The following FAM83F variants were observed in gnomAD, a reference collection of about 807,000 sequenced individuals.
FAM83F encodes protein FAM83F.
A neutral mutation model predicts 42.9 loss-of-function variants in FAM83F; 45 were observed. The observed-to-expected ratio is 1.05, with a 90% CI of 0.83 to 1.35. The LOEUF is 1.35. FAM83F is among the 40% of genes most tolerant of loss of function. The pLI, the probability that FAM83F is intolerant of heterozygous loss-of-function variation, is 0.00. For missense variants in FAM83F, 617 were observed against 695.9 expected (o/e 0.89, Z 1.28); for synonymous variants, 306 against 298.3 (o/e 1.03, Z -0.27).
chr22:40,043,086 C>G lies in FAM83F; in HGVS notation c.*13521C>G, dbSNP rs189669982. The G allele has an allele frequency of 1.3e-5, 2 of 152,104 alleles. No individual in the cohort carries two copies. Among genetic ancestry groups the G allele is most frequent in the African/African-American group, 2.4e-5 (1 of 41,416 alleles). The allele number at this position is 152,104 out of a possible 1,614,324, so 9.4% of individuals were successfully genotyped here. On this transcript the variant is annotated 3_prime_UTR_variant, in exon 5 of 5. Coordinates refer to ENST00000333407, the MANE Select transcript of FAM83F (RefSeq NM_138435.4). Reference sequence around the variant, plus strand: ...CTCTTAATTGACGTTTATGAAATACCTTGGCTTCATTTGCTGAAAGGCTCT... The same window carrying G: ...CTCTTAATTGACGTTTATGAAATACGTTGGCTTCATTTGCTGAAAGGCTCT...
At chr22:40,028,398 G>A (rs1049790059) in intron 4 of FAM83F, among the ~76,000 whole-genome samples, 1 of 152,242 alleles carries the variant, frequency 6.6e-6, no homozygotes, top group Non-Finnish European at 1.5e-5. Flanking sequence ...CAGCTGAAGT[G>A]ATACTGGAAG....
intron 1 of FAM83F, chr22:39,997,859 G>C (rs996171133): frequency 6.6e-6 from 1 of 152,178 alleles, no homozygotes; most frequent in Non-Finnish European, 1.5e-5. Context: ...CAGGACCTCC[G>C]GGTCCCCACC....
In FAM83F at chr22:40,036,494, T is replaced by A. The variant is rs2067624744; in HGVS notation, c.*6929T>A. On this transcript the variant is annotated 3_prime_UTR_variant, in exon 5 of 5. Coordinates refer to ENST00000333407, the MANE Select transcript of FAM83F (RefSeq NM_138435.4). ...TCCCACAACCTTTCTGGATTGATAG[T>A]TTGTGGTGAAATAAACAATTTTAGT... 1 of 152,210 alleles carries A rather than the reference T, an allele frequency of 6.6e-6. No homozygotes were observed. The highest frequency in any genetic ancestry group is 2.4e-5 in the African/African-American group (1 of 41,450). 9.4% of individuals were successfully genotyped at this position (152,210 alleles called of 1,614,324 possible). A position where few individuals can be genotyped will look rare whatever the true frequency, so the allele number is the denominator to read the frequency against.
At chr22:40,002,011 T>C (rs1445700559) in intron 1 of FAM83F, among the ~76,000 whole-genome samples, 1 of 152,140 alleles carries the variant, frequency 6.6e-6, no homozygotes, top group Admixed American at 6.5e-5. Context: ...TGGGCCGTGG[T>C]TGGTAAGGGC....
In FAM83F at chr22:40,019,204, G is replaced by A. The variant is rs192456321; in HGVS notation, c.526G>A (p.Asp176Asn). The stretch of plus-strand genomic sequence containing the variant: ...GGTCATGGACCTCTTCACTGATGGT[G>A]ATATCTTTCAAGACATTGTGGATGC... ...AVVMDLFTDG[D>N]IFQDIVDAAC... The change falls in exon 2 of 5, where the codon GAT (aspartate) becomes AAT (asparagine). Residue 176 changes from aspartate to asparagine, a missense_variant. By Grantham distance (23) the Asp-to-Asn change is conservative. Transcript: ENST00000333407. The A allele has an allele frequency of 3.0e-5, 49 of 1,614,062 alleles. No individual in the cohort carries two copies. Among genetic ancestry groups the A allele is most frequent in the Non-Finnish European group, 3.8e-5 (45 of 1,180,036 alleles).
chr22:40,010,291 G>A (rs896260785), intron 1 of FAM83F, among the ~76,000 whole-genome samples: 2 of 152,198 alleles, frequency 1.3e-5, no homozygotes, highest in African/African-American at 4.8e-5. Flanking sequence ...CACGTGCTCA[G>A]TGAAAGACCC....
At chr22:40,012,663 G>A (rs188872956) in intron 1 of FAM83F, among the ~76,000 whole-genome samples, 7 of 151,340 alleles carry the variant, frequency 4.6e-5, no homozygotes, top group East Asian at 2.0e-4. Context: ...CCAGCTACTC[G>A]GGAGGCTGAG....
At position 40,021,550 on chromosome 22, in the gene FAM83F, A is replaced by G; in HGVS notation, c.1040A>G (p.Gln347Arg). The G allele has an allele frequency of 6.4e-7, 1 of 1,564,308 alleles. No homozygotes were observed. Among genetic ancestry groups the G allele is most frequent in the Non-Finnish European group, 8.7e-7 (1 of 1,150,196 alleles). ...GAGATGATGCGCTGGGCTGCCCGGC[A>G]ACAGCGGGAGGCGGGCGGCAACCCG... ...PGEMMRWAAR[Q>R]QREAGGNPEG... The change falls in exon 4 of 5, where the codon CAA becomes CGA. Residue 347 changes from glutamine (Q) to arginine (R), a missense_variant. Transcript: ENST00000333407. The surrounding 1 kb of genome is among the most constrained non-coding windows in gnomAD (Gnocchi z 8.7).
intron 1 of FAM83F, among the ~76,000 whole-genome samples, chr22:40,013,082 C>CAAAAAA (rs754625979): frequency 0.018 from 825 of 46,368 alleles, 95 homozygotes; most frequent in Non-Finnish European, 0.023. Flanking sequence ...GACTCCGTTT[C>CAAAAAA]AAAAAAAAAA....
intron 4 of FAM83F, among the ~76,000 whole-genome samples, chr22:40,025,915 G>T (rs1160324397): frequency 6.6e-6 from 1 of 152,210 alleles, no homozygotes; most frequent in Non-Finnish European, 1.5e-5. Context: ...CAGCCTAGGG[G>T]AGGAGATCCC....
rs543072767 is a variant in FAM83F at position 40,012,311 on chromosome 22, T to G, written c.490-6857T>G. On this transcript the variant is annotated intron_variant, in intron 1 of 4. Transcript: ENST00000333407. ...CACCACGCCCAGCTGATTTTTGTAT[T>G]TTTAGTAGAGATGGGGCTTCACCAT... Among the ~76,000 whole-genome samples, 11 of 152,104 alleles carry G rather than the reference T, an allele frequency of 7.2e-5. No individual in the cohort carries two copies. In the South Asian group the frequency reaches 2.3e-3, roughly 32 times the overall value.
intron 1 of FAM83F, among the ~76,000 whole-genome samples, chr22:40,012,017 C>T (rs1357198138): frequency 2.0e-5 from 3 of 152,224 alleles, no homozygotes; most frequent in Non-Finnish European, 4.4e-5. Context: ...CCTCCACCTA[C>T]CAATATTTTG....
In FAM83F at chr22:40,043,026, C is replaced by T. The variant is rs950947242; in HGVS notation, c.*13461C>T. 2 of 152,156 alleles carry T rather than the reference C, an allele frequency of 1.3e-5. No individual in the cohort carries two copies. The highest frequency in any genetic ancestry group is 2.9e-5 in the Non-Finnish European group (2 of 68,014). 9.4% of individuals were successfully genotyped at this position (152,156 alleles called of 1,614,324 possible). On this transcript the variant is annotated 3_prime_UTR_variant, in exon 5 of 5. Transcript: ENST00000333407. ...TTTGACGCACGATCTTTCTTCTGTC[C>T]TTCTTGCAGTTGCCCTAGGAATACA...
At chr22:40,026,146 G>A (rs1385177862) in intron 4 of FAM83F, among the ~76,000 whole-genome samples, 1 of 152,186 alleles carries the variant, frequency 6.6e-6, no homozygotes, top group African/African-American at 2.4e-5. Context: ...AGGGCAGTGT[G>A]ATCTCCTGCC....
intron 1 of FAM83F, among the ~76,000 whole-genome samples, chr22:40,017,905 A>T (rs910878857): frequency 3.9e-5 from 6 of 152,132 alleles, no homozygotes; most frequent in African/African-American, 1.2e-4. Flanking sequence ...GAAGTGGGGG[A>T]TCCACAGTTA....
rs560823699 is a variant in FAM83F, at chr22:40,019,913, C to T, written c.684C>T (p.Gly228=). 59 of 1,612,936 alleles carry T rather than the reference C, an allele frequency of 3.7e-5. No individual in the cohort carries two copies. The Admixed American group carries it at 3.7e-4, about 10-fold the overall frequency. The part of the protein sequence containing the change: ...IRNIRVRSVT[G]VGFYMPMGRI... ...ACATCCGTGTCCGCTCTGTGACAGG[C>T]GTCGGCTTCTACATGCCCATGGGGA... The change falls in exon 3 of 5, where the codon GGC becomes GGT. Residue 228 remains glycine (G), a synonymous_variant. Transcript: ENST00000333407.
intron 1 of FAM83F, among the ~76,000 whole-genome samples, chr22:39,997,052 G>A (rs1053822003): frequency 1.1e-4 from 16 of 152,252 alleles, no homozygotes; most frequent in Non-Finnish European, 2.4e-4. Context: ...CACAACAACC[G>A]GGTGAATATG....
intron 1 of FAM83F, among the ~76,000 whole-genome samples, chr22:40,003,255 A>T (rs895094409): frequency 6.6e-6 from 1 of 152,128 alleles, no homozygotes; most frequent in Non-Finnish European, 1.5e-5. Context: ...AGAGACCTAG[A>T]TTGTCCTCTT....
At chr22:39,998,881 A>G (rs753240568) in intron 1 of FAM83F, 2 of 152,168 alleles carry the variant, frequency 1.3e-5, no homozygotes, top group South Asian at 4.1e-4. Flanking sequence ...TTGCTGATGC[A>G]TGGGCTGCTC....
Sources: gnomAD v4.1 joint callset for allele counts (sites outside exome capture counted in the v4.1 genomes callset) on GRCh38, gnomAD v4.1.1 for gene constraint, Gnocchi (gnomAD v3.1) non-coding constraint, MANE v1.5 for transcripts, NCBI Gene and HGNC (gene_info 2026-07-23, HGNC 2026-07-21) for gene names.